Variants in SORCS1 observed in about 807,000 individuals in gnomAD.
SORCS1 encodes sortilin related VPS10 domain containing receptor 1, also known as VPS10 domain-containing receptor SorCS1.
SORCS1 carries 60 observed loss-of-function variants against 146.1 expected under a neutral mutation model. The observed-to-expected ratio is 0.41, with a 90% CI of 0.33 to 0.51. The LOEUF (loss-of-function observed/expected upper bound fraction) is 0.51. SORCS1 is among the 20% of genes least tolerant of loss of function. The pLI, the probability that SORCS1 is intolerant of heterozygous loss-of-function variation, is 0.21. For synonymous variants in SORCS1, 637 were observed against 584.0 expected (o/e 1.09, Z -1.31); for missense variants, 1,352 against 1,487.6 (o/e 0.91, Z 1.50).
chr10:106,629,223 C>A lies in SORCS1; in HGVS notation c.2641G>T (p.Val881Phe), dbSNP rs746041232. 5 of 1,613,842 alleles carry A rather than the reference C, an allele frequency of 3.1e-6. No individual in the cohort carries two copies. The Admixed American group carries it at 5.0e-5, about 16-fold the overall frequency. ...ATACAAGTTACATGTAAGTACAGGA[C>A]GGCGCTGTCAGAACCCAGACTGTTG... is the stretch of plus-strand genomic sequence containing the variant. ...VDNSLGSDSA[V>F]LYLHVTCPLE... is the part of the protein sequence containing the mutation. The change falls in exon 19 of 26, where the codon GTC (valine) becomes TTC (phenylalanine). Residue 881 changes from valine (V) to phenylalanine (F), a missense_variant. By Grantham distance (50) the Val-to-Phe change is conservative. Coordinates refer to ENST00000263054, the MANE Select transcript of SORCS1 (RefSeq NM_052918.5).
intron 1 of SORCS1, among the ~76,000 whole-genome samples, chr10:107,067,053 T>C (rs1161803108): frequency 6.6e-6 from 1 of 152,142 alleles, no homozygotes; most frequent in African/African-American, 2.4e-5. Context: ...ACAGTTTATT[T>C]GAAAGGTAGC....
intron 18 of SORCS1, among the ~76,000 whole-genome samples, chr10:106,635,052 T>C (rs1848651159): frequency 6.6e-6 from 1 of 152,182 alleles, no homozygotes; most frequent in Non-Finnish European, 1.5e-5. Flanking sequence ...TCCAAGGGCA[T>C]TGCTGACGTC....
intron 2 of SORCS1, among the ~76,000 whole-genome samples, chr10:106,952,612 T>A (rs1427061677): frequency 6.7e-6 from 1 of 149,204 alleles, no homozygotes; most frequent in African/African-American, 2.4e-5. Context: ...TGAAGTATTA[T>A]ACATATTTTT....
chr10:106,594,439 TTC>T (rs1218290052), intron 24 of SORCS1, among the ~76,000 whole-genome samples: 1 of 152,236 alleles, frequency 6.6e-6, no homozygotes, highest in African/African-American at 2.4e-5. Context: ...CATTTATCGT[TTC>T]TTTGTGGTGG....
At chr10:106,830,109 G>A (rs1191548623) in intron 2 of SORCS1, among the ~76,000 whole-genome samples, 1 of 152,108 alleles carries the variant, frequency 6.6e-6, no homozygotes, top group African/African-American at 2.4e-5. Context: ...TATATGGTGG[G>A]TCAGTCCCTT....
At chr10:107,152,633 G>A (rs1459574502) in intron 1 of SORCS1, among the ~76,000 whole-genome samples, 1 of 152,120 alleles carries the variant, frequency 6.6e-6, no homozygotes, top group Non-Finnish European at 1.5e-5. Flanking sequence ...ACTTCACTCT[G>A]CACCTCTCTC....
intron 1 of SORCS1, among the ~76,000 whole-genome samples, chr10:107,003,429 A>AGTGTGTGTGTGTGTGTGTGTGT (rs59467041): frequency 7.1e-6 from 1 of 140,436 alleles, no homozygotes; most frequent in Non-Finnish European, 1.6e-5. Context: ...AATTCCCATA[A>AGTGTGTGTGTGTGTGTGTGTGT]GTGTGTGTGT....
At chr10:106,871,753 G>A (rs1407575642) in intron 2 of SORCS1, among the ~76,000 whole-genome samples, 1 of 152,114 alleles carries the variant, frequency 6.6e-6, no homozygotes, top group Non-Finnish European at 1.5e-5. Flanking sequence ...AGGTGGAGTG[G>A]GGGATGAGGG....
At position 107,030,463 on chromosome 10, in the gene SORCS1, G is replaced by A. The variant is rs144957895; in HGVS notation, c.559-73883C>T. ...CTTTTGCCTGTGTCCCACACTTTAT[G>A]TCTCAGTTCTCCACACCCATAGCTC... On this transcript the variant is annotated intron_variant, in intron 1 of 25. Transcript: ENST00000263054. 8.5e-5 allele frequency among the ~76,000 whole-genome samples: 13 copies of A among 152,282 alleles called. No individual in the cohort carries two copies. The East Asian group carries it at 2.5e-3, about 29-fold the overall frequency.
At chr10:106,674,936 G>A in intron 14 of SORCS1, 113 bp downstream of exon 14, 1 of 766,794 alleles carries the variant, frequency 1.3e-6, no homozygotes, top group Non-Finnish European at 2.1e-6. Context: ...CTTGCAGTAA[G>A]ATGCAACAAC....
At chr10:106,906,124 GTTTA>G (rs1263890972) in intron 2 of SORCS1, among the ~76,000 whole-genome samples, 5 of 152,202 alleles carry the variant, frequency 3.3e-5, no homozygotes, top group African/African-American at 1.2e-4. Context: ...GTTTTTGTTT[GTTTA>G]TTTGTTTGTT....
At chr10:107,112,711 C>A (rs1463778200) in intron 1 of SORCS1, among the ~76,000 whole-genome samples, 1 of 151,906 alleles carries the variant, frequency 6.6e-6, no homozygotes, top group East Asian at 1.9e-4. Flanking sequence ...AAAATGGCAA[C>A]CAAAAGAGAG....
intron 6 of SORCS1, among the ~76,000 whole-genome samples, chr10:106,712,123 G>A (rs1855037620): frequency 6.6e-6 from 1 of 152,168 alleles, no homozygotes; most frequent in South Asian, 2.1e-4. Context: ...GTATTGCTAA[G>A]GAAGAAGACT....
At chr10:106,760,286 T>C (rs1007670783) in intron 5 of SORCS1, among the ~76,000 whole-genome samples, 7 of 151,118 alleles carry the variant, frequency 4.6e-5, no homozygotes, top group African/African-American at 1.2e-4. Context: ...CTACTAAAAA[T>C]ACAAAAACTT....
intron 1 of SORCS1, among the ~76,000 whole-genome samples, chr10:107,051,969 TG>T (rs1960166956): frequency 6.6e-6 from 1 of 152,184 alleles, no homozygotes; most frequent in African/African-American, 2.4e-5. Context: ...TATGGACTAC[TG>T]GTGTTGCACA....
intron 2 of SORCS1, among the ~76,000 whole-genome samples, chr10:106,856,688 CA>C (rs1162578672): frequency 6.6e-6 from 1 of 152,200 alleles, no homozygotes; most frequent in Non-Finnish European, 1.5e-5. Context: ...GTAAAACTCA[CA>C]AAAGTATGAG....
At chr10:106,923,008 C>T (rs908252428) in intron 2 of SORCS1, among the ~76,000 whole-genome samples, 2 of 152,046 alleles carry the variant, frequency 1.3e-5, no homozygotes, top group African/African-American at 4.8e-5. Context: ...CCTGCTTCAG[C>T]CCCCCGAGTA....
intron 1 of SORCS1, among the ~76,000 whole-genome samples, chr10:107,011,246 G>C (rs1418136935): frequency 6.6e-6 from 1 of 152,168 alleles, no homozygotes; most frequent in Non-Finnish European, 1.5e-5. Context: ...ATTATCCACA[G>C]CATTGAAAAC....
intron 2 of SORCS1, among the ~76,000 whole-genome samples, chr10:106,922,312 G>A (rs1952753911): frequency 6.6e-6 from 1 of 152,172 alleles, no homozygotes; most frequent in Admixed American, 6.5e-5. Flanking sequence ...TGCTAGGGAT[G>A]TGGGAGATAA....
Sources: gnomAD v4.1 joint callset for allele counts (sites outside exome capture counted in the v4.1 genomes callset) on GRCh38, gnomAD v4.1.1 for gene constraint, MANE v1.5 for transcripts, NCBI Gene and HGNC (gene_info 2026-07-23, HGNC 2026-07-21) for gene names.